DPF3: variants seen among roughly 807,000 people sequenced by gnomAD.
DPF3 encodes zinc finger protein DPF3.
A neutral mutation model predicts 56.8 loss-of-function variants in DPF3; 18 were observed. The observed-to-expected ratio is 0.32, with a 90% CI of 0.22 to 0.47. The LOEUF is 0.47. Ranked by LOEUF, DPF3 falls within the 20% of genes least tolerant of loss-of-function variation. The pLI is 1.00. For synonymous variants in DPF3, 188 were observed against 180.2 expected (o/e 1.04, Z -0.35); for missense variants, 403 against 488.8 (o/e 0.82, Z 1.65).
chr14:72,756,869 A>AAAGAAAGACAGAAAGG (rs1555503988), intron 2 of DPF3, among the ~76,000 whole-genome samples: 1 of 95,598 alleles, frequency 1.0e-5, no homozygotes, highest in African/African-American at 4.3e-5. Flanking sequence ...AGAAAGAAAG[A>AAAGAAAGACAGAAAGG]AAGGAAGGAA....
rs547185670 is a variant in DPF3 at position 72,683,395 on chromosome 14, C to T, written c.743-9027G>A. On this transcript the variant is annotated intron_variant, in intron 7 of 10. Transcript: ENST00000556509. ...GAATCAGAAACTCTGGGGGTGGGAT[C>T]CAGTGGGTGGGCTGTGCTTTAACAA... Among the ~76,000 whole-genome samples, 11 of 150,914 alleles carry T rather than the reference C, an allele frequency of 7.3e-5. No individual in the cohort carries two copies. In the South Asian group the frequency reaches 2.3e-3, roughly 32 times the overall value.
At chr14:72,621,039 G>C (rs537231931) in intron 9 of DPF3, among the ~76,000 whole-genome samples, 1 of 152,068 alleles carries the variant, frequency 6.6e-6, no homozygotes, top group Admixed American at 6.5e-5. Context: ...TACTCAGGAG[G>C]CTGAGGCAGG....
chr14:72,866,827 G>T (rs1373406841), intron 1 of DPF3, among the ~76,000 whole-genome samples: 1 of 150,450 alleles, frequency 6.6e-6, no homozygotes, highest in Non-Finnish European at 1.5e-5. Context: ...TTGCACTCCA[G>T]CCTGGGCAAC....
chr14:72,841,425 C>G (rs925818588), intron 1 of DPF3, among the ~76,000 whole-genome samples: 45 of 152,208 alleles, frequency 3.0e-4, no homozygotes, highest in African/African-American at 1.1e-3. Context: ...AAGAATGGTC[C>G]AATCAGCAAA....
intron 2 of DPF3, among the ~76,000 whole-genome samples, chr14:72,769,678 CAAA>C (rs59586674): frequency 2.3e-5 from 1 of 42,762 alleles, no homozygotes; most frequent in African/African-American, 7.7e-5. Flanking sequence ...GACTCCATCT[CAAA>C]AAAAAAAAAA....
intron 1 of DPF3, chr14:72,836,558 G>C (rs962220132): frequency 2.1e-5 from 20 of 967,228 alleles, no homozygotes; most frequent in Non-Finnish European, 2.5e-5. Context: ...TGCCTACTGT[G>C]ATGTCACTCC....
intron 7 of DPF3, among the ~76,000 whole-genome samples, chr14:72,691,270 T>C (rs552519325): frequency 3.3e-5 from 5 of 152,116 alleles, no homozygotes; most frequent in Non-Finnish European, 5.9e-5. Flanking sequence ...CTGAATTGCA[T>C]CCCCTCCCCA....
At chr14:72,693,273 C>T (rs886219316) in intron 6 of DPF3, 60 bp from the exon 7 acceptor site, 20 of 1,553,582 alleles carry the variant, frequency 1.3e-5, no homozygotes, top group Admixed American at 5.7e-5. Context: ...GTGCAGCCAC[C>T]GCTATCATTC....
At chr14:72,744,909 C>A (rs980076753) in intron 3 of DPF3, among the ~76,000 whole-genome samples, 1 of 152,196 alleles carries the variant, frequency 6.6e-6, no homozygotes, top group Admixed American at 6.5e-5. Context: ...TCTTGAAGAG[C>A]AGGCAGACTA....
At chr14:72,811,773 A>G (rs1883055560) in intron 1 of DPF3, among the ~76,000 whole-genome samples, 2 of 152,232 alleles carry the variant, frequency 1.3e-5, no homozygotes, top group Admixed American at 1.3e-4. Flanking sequence ...AAACACTTTC[A>G]CATATATTGT....
In DPF3 at chr14:72,799,520, G is replaced by T. The variant is rs115206584; in HGVS notation, c.33-27627C>A. On this transcript the variant is annotated intron_variant, in intron 1 of 10. Transcript: ENST00000556509. ...TCTCTACAAAAATTGGCCAGGCATG[G>T]TGATGCACACCTGTAGTCCCAGCTA... Among the ~76,000 whole-genome samples, 670 of 152,236 alleles carry T rather than the reference G, an allele frequency of 4.4e-3. 8 individuals carry two copies. Among genetic ancestry groups the T allele is most frequent in the African/African-American group, 0.016 (648 of 41,532 alleles).
chr14:72,890,513 A>C (rs1224772701), intron 1 of DPF3, among the ~76,000 whole-genome samples: 1 of 151,274 alleles, frequency 6.6e-6, no homozygotes, highest in Non-Finnish European at 1.5e-5. Flanking sequence ...TAATAATAAT[A>C]ATAATAATAG....
Position 72,629,685 on chromosome 14 carries a change from G to T in DPF3, c.923C>A (p.Thr308Asn), listed in dbSNP as rs778680033. 2.6e-6 allele frequency: 4 copies of T among 1,536,100 alleles called. 1 individual carries two copies. In the South Asian group the frequency reaches 4.8e-5, roughly 18 times the overall value. The change falls in exon 9 of 11, where the codon ACC (threonine) becomes AAC (asparagine). Residue 308 changes from threonine (T) to asparagine (N), a missense_variant. By Grantham distance (65) the Thr-to-Asn change is moderately conservative. This residue lies in a region of DPF3 where 63 missense variants were observed against 114.4 expected (regional missense o/e 0.55). Coordinates refer to ENST00000556509, the MANE Select transcript of DPF3 (RefSeq NM_001280542.3). Reference sequence around the variant, plus strand: ...GCACTCTATGCACTGCCACTTGTAGGTCTTGACAGCCTCGGTCATGTTCAG... The same window carrying T: ...GCACTCTATGCACTGCCACTTGTAGTTCTTGACAGCCTCGGTCATGTTCAG... ...FTLNMTEAVK[T>N]YKWQCIECKS... is the part of the protein sequence containing the mutation.
chr14:72,852,186 G>A (rs1411042016), intron 1 of DPF3, among the ~76,000 whole-genome samples: 1 of 152,200 alleles, frequency 6.6e-6, no homozygotes, highest in Non-Finnish European at 1.5e-5. Context: ...GGGAGAGGTG[G>A]TGGAGAAGCC....
intron 1 of DPF3, chr14:72,773,970 G>A: frequency 2.2e-6 from 1 of 455,044 alleles, no homozygotes. Context: ...ATGAACATGA[G>A]TATACAAATA....
chr14:72,855,661 G>C (rs1326420646), intron 1 of DPF3, among the ~76,000 whole-genome samples: 1 of 151,934 alleles, frequency 6.6e-6, no homozygotes, highest in South Asian at 2.2e-4. Context: ...AGTTTTATAG[G>C]GAGCCTTTTA....
chr14:72,776,267 AG>A (rs1891739663), intron 1 of DPF3, among the ~76,000 whole-genome samples: 1 of 152,344 alleles, frequency 6.6e-6, no homozygotes, highest in Non-Finnish European at 1.5e-5. Context: ...AACTGACTTC[AG>A]GCTACTCAAG....
At chr14:72,741,478 C>T (rs1890119563) in intron 3 of DPF3, among the ~76,000 whole-genome samples, 1 of 152,220 alleles carries the variant, frequency 6.6e-6, no homozygotes, top group African/African-American at 2.4e-5. Flanking sequence ...CAACCCAAAA[C>T]CAAACAGCCA....
intron 8 of DPF3, chr14:72,661,612 C>A: frequency 1.0e-6 from 1 of 985,488 alleles, no homozygotes; most frequent in Non-Finnish European, 1.2e-6. Flanking sequence ...TCGGCCAAAA[C>A]GCCCACTTCC....
Sources: gnomAD v4.1 joint callset for allele counts (sites outside exome capture counted in the v4.1 genomes callset) on GRCh38, gnomAD v4.1.1 for gene constraint, gnomAD v4.1.1 regional missense constraint, MANE v1.5 for transcripts, NCBI Gene and HGNC (gene_info 2026-07-23, HGNC 2026-07-21) for gene names.